SLC46A3: variants seen among roughly 807,000 people sequenced by gnomAD.
The protein encoded by SLC46A3 is solute carrier family 46 member 3.
A neutral mutation model predicts 38.5 loss-of-function variants in SLC46A3; 26 were observed. The ratio of observed to expected loss-of-function variants is 0.68; its 90% CI spans 0.49 to 0.94. SLC46A3 has a LOEUF of 0.94. Among genes scored for constraint, SLC46A3 ranks in the 40% least tolerant of loss-of-function variants. The probability of loss-of-function intolerance (pLI) is 0.00; values close to 1 mark genes in which losing one functional copy is unlikely to be tolerated. For synonymous variants in SLC46A3, 185 were observed against 192.5 expected, an observed-to-expected ratio of 0.96 and a Z score of 0.32; for missense variants, 510 against 544.3, an observed-to-expected ratio of 0.94 and a Z score of 0.63.
At chr13:28,708,318 T>G (rs966313878) in intron 4 of SLC46A3, among the ~76,000 whole-genome samples, 1 of 152,224 alleles carries the variant, frequency 6.6e-6, no homozygotes, top group Non-Finnish European at 1.5e-5. Context: ...CACATCCTCA[T>G]CAACACTTGC....
At chr13:28,708,158 C>T (rs1225052796) in intron 4 of SLC46A3, among the ~76,000 whole-genome samples, 1 of 152,172 alleles carries the variant, frequency 6.6e-6, no homozygotes, top group Admixed American at 6.5e-5. Flanking sequence ...TTTATGTGGA[C>T]ATATGCTTTC....
chr13:28,717,818 A>G lies in SLC46A3; in HGVS notation c.181T>C (p.Phe61Leu). 6.2e-7 allele frequency: 1 copy of G among 1,613,274 alleles called. No individual in the cohort carries two copies. Among genetic ancestry groups the G allele is most frequent in the South Asian group, 1.1e-5 (1 of 90,856 alleles). Residue 61 changes from phenylalanine (F) to leucine (L), a missense_variant, in exon 2 of 6, where the codon TTC (phenylalanine) becomes CTC (leucine). By Grantham distance (22) the Phe-to-Leu change is conservative. Coordinates refer to ENST00000266943, the MANE Select transcript of SLC46A3 (RefSeq NM_181785.4). Reference sequence around the variant, plus strand: ...ATATTGTAATTTCTTACCTCCTGGAATGCAAAAATTGGGCTGCTTTTGTTT... The same window carrying G: ...ATATTGTAATTTCTTACCTCCTGGAGTGCAAAAATTGGGCTGCTTTTGTTT... Reference protein sequence around the residue: ...EKNKSSPIFAFQEEVQKKVSR... With the variant: ...EKNKSSPIFALQEEVQKKVSR...
intron 4 of SLC46A3, among the ~76,000 whole-genome samples, chr13:28,708,012 C>T (rs1275250196): frequency 1.3e-5 from 2 of 152,098 alleles, no homozygotes; most frequent in Admixed American, 6.5e-5. Flanking sequence ...TGTAACAGAA[C>T]GATATTTCTT....
chr13:28,710,759 C>T lies in SLC46A3; in HGVS notation c.1144+1G>A. On this transcript the variant is annotated splice_donor_variant, in intron 4 of 5. Transcript: ENST00000266943. LOFTEE classifies it high-confidence loss of function. ...ATATTTCTTAAGCAAATTAAACTCACCTTGTTCAGTCGAACGAACCACTTT... is the reference window on the plus strand; with the variant it reads ...ATATTTCTTAAGCAAATTAAACTCATCTTGTTCAGTCGAACGAACCACTTT... 6.2e-7 allele frequency: 1 copy of T among 1,609,718 alleles called. No homozygotes were observed. Among genetic ancestry groups the T allele is most frequent in the Non-Finnish European group, 8.5e-7 (1 of 1,176,486 alleles).
chr13:28,711,850 G>A (rs1236593658), intron 3 of SLC46A3, among the ~76,000 whole-genome samples: 2 of 152,196 alleles, frequency 1.3e-5, no homozygotes, highest in African/African-American at 4.8e-5. Context: ...TGTGCCAAGC[G>A]AGTGCTTGAC....
In SLC46A3 at chr13:28,701,327, C is replaced by G; in HGVS notation, c.*170G>C. ...ACAAAGTGCTCAAAGTGCGTGGTAC[C>G]ACAAGAAGCTAAAGCCAGGAGCTGT... On this transcript the variant is annotated 3_prime_UTR_variant, in exon 6 of 6. Coordinates refer to ENST00000266943, the MANE Select transcript of SLC46A3 (RefSeq NM_181785.4). 1.4e-6 allele frequency: 2 copies of G among 1,427,360 alleles called. No individual in the cohort carries two copies. The highest frequency in any genetic ancestry group is 1.6e-5 in the South Asian group (1 of 61,336). 88.4% of individuals were successfully genotyped at this position (1,427,360 alleles called of 1,614,324 possible). A position where few individuals can be genotyped will look rare whatever the true frequency, so the allele number is the denominator to read the frequency against.
chr13:28,703,209 C>G (rs1471049289), intron 5 of SLC46A3, among the ~76,000 whole-genome samples: 1 of 152,030 alleles, frequency 6.6e-6, no homozygotes, highest in East Asian at 1.9e-4. Flanking sequence ...AACGTTTAAA[C>G]AAGTCATTAA....
chr13:28,702,603 G>A lies in SLC46A3; in HGVS notation c.1302-1022C>T, dbSNP rs185239568. On this transcript the variant is annotated intron_variant, in intron 5 of 5. Transcript: ENST00000266943. The stretch of plus-strand genomic sequence containing the variant: ...GTGCTTACCAGCACAGCATGTATTG[G>A]TAATTTTGTTAATTCGATAGGTGAA... Among the ~76,000 whole-genome samples, 15 of 152,226 alleles carry A rather than the reference G, an allele frequency of 9.9e-5. No homozygotes were observed. The East Asian group carries it at 2.7e-3, about 27-fold the overall frequency.
chr13:28,717,483 G>GA (rs1450454750), intron 2 of SLC46A3, among the ~76,000 whole-genome samples: 936 of 49,960 alleles, frequency 0.019, 116 homozygotes, highest in African/African-American at 0.036. Context: ...CCAATTTTCA[G>GA]ACTTTTTTTT....
chr13:28,704,026 A>C lies in SLC46A3; in HGVS notation c.1218T>G (p.Ile406Met). 6.2e-7 allele frequency: 1 copy of C among 1,613,874 alleles called. No individual in the cohort carries two copies. Among genetic ancestry groups the C allele is most frequent in the East Asian group, 2.2e-5 (1 of 44,882 alleles). The part of the protein sequence containing the change: ...GVTAVSTFNG[I>M]YSATVAWYPG... ...GGTACCAAGCAACAGTGGCTGAGTA[A>C]ATTCCATTAAAAGTAGAAACTGCAG... is the stretch of plus-strand genomic sequence containing the variant. Residue 406 changes from isoleucine (I) to methionine (M), a missense_variant, in exon 5 of 6, where the codon ATT (isoleucine) becomes ATG (methionine). Coordinates refer to ENST00000266943, the MANE Select transcript of SLC46A3 (RefSeq NM_181785.4).
chr13:28,709,354 A>G (rs2137830156), intron 4 of SLC46A3, among the ~76,000 whole-genome samples: 1 of 152,162 alleles, frequency 6.6e-6, no homozygotes, highest in Non-Finnish European at 1.5e-5. Context: ...AAGTAAAAGA[A>G]GAAATATATT....
rs80039171 is a variant in SLC46A3 at position 28,704,828 on chromosome 13, G to A, written c.1145-729C>T. On this transcript the variant is annotated intron_variant, in intron 4 of 5. Coordinates refer to ENST00000266943, the MANE Select transcript of SLC46A3 (RefSeq NM_181785.4). ...TTGCTTGCAACTGCCTCTGCCCTAA[G>A]GTGCCTTACAAGATGAAGAGTGGGG... is the stretch of plus-strand genomic sequence containing the variant. Among the ~76,000 whole-genome samples, 254 of 152,256 alleles carry A rather than the reference G, an allele frequency of 1.7e-3. 3 individuals carry two copies. Among genetic ancestry groups the A allele is most frequent in the African/African-American group, 5.7e-3 (236 of 41,542 alleles).
chr13:28,717,484 A>AATTTTTTTTTTTTTTTTTTT lies in SLC46A3; in HGVS notation c.189+325_189+326insAAAAAAAAAAAAAAAAAAAT, dbSNP rs1322198755. Among the ~76,000 whole-genome samples, 609 of 93,802 alleles carry AATTTTTTTTTTTTTTTTTTT rather than the reference A, an allele frequency of 6.5e-3. 118 individuals carry two copies. The highest frequency in any genetic ancestry group is 0.012 in the East Asian group (27 of 2,216). The allele number at this position is 93,802 out of a possible 152,430, so 61.5% of individuals were successfully genotyped here. ...CAGCCTGCCCTGCCCCAATTTTCAG[A>AATTTTTTTTTTTTTTTTTTT]CTTTTTTTTTTTTTTTTTTTTTTTT... On this transcript the variant is annotated intron_variant, in intron 2 of 5. Transcript: ENST00000266943.
chr13:28,705,306 T>C (rs1885143488), intron 4 of SLC46A3, among the ~76,000 whole-genome samples: 1 of 152,208 alleles, frequency 6.6e-6, no homozygotes, highest in African/African-American at 2.4e-5. Context: ...CTTGGACTGA[T>C]AGGAAGGAAA....
Position 28,712,954 on chromosome 13 carries a change from C to A in SLC46A3, c.786G>T (p.Leu262Phe), listed in dbSNP as rs776054005. The stretch of plus-strand genomic sequence containing the variant: ...AATAAGTGATTACTGTAAAAAGTAA[C>A]AAACAGAGCAAAAATCGTCTCTTAC... ...ASGKRRFLLC[L>F]LLFTVITYFF... The change falls in exon 3 of 6, where the codon TTG becomes TTT. Residue 262 changes from leucine to phenylalanine, a missense_variant. Coordinates refer to ENST00000266943, the MANE Select transcript of SLC46A3 (RefSeq NM_181785.4). 4 of 1,611,844 alleles carry A rather than the reference C, an allele frequency of 2.5e-6. No individual in the cohort carries two copies. In the East Asian group the frequency reaches 8.9e-5, roughly 36 times the overall value.
At chr13:28,712,631 T>C (rs780283569) in intron 3 of SLC46A3, 49 bp downstream of exon 3, 1 of 1,482,138 alleles carries the variant, frequency 6.7e-7, no homozygotes, top group Non-Finnish European at 8.9e-7. Context: ...ATTCATTTTA[T>C]ATGAATATCA....
intron 2 of SLC46A3, among the ~76,000 whole-genome samples, chr13:28,716,012 G>A (rs1351365151): frequency 1.3e-5 from 2 of 150,448 alleles, no homozygotes; most frequent in African/African-American, 4.9e-5. Flanking sequence ...AATTAGCTGA[G>A]TGTAGTGGCA....
chr13:28,713,673 G>C, intron 2 of SLC46A3, 123 bp from the exon 3 acceptor site: 6 of 838,364 alleles, frequency 7.2e-6, no homozygotes, highest in Non-Finnish European at 1.1e-5. Context: ...ATCTCTGGTG[G>C]ATGGGCGGGA....
At chr13:28,712,557 T>G in intron 3 of SLC46A3, 123 bp downstream of exon 3, 3 of 982,298 alleles carry the variant, frequency 3.1e-6, no homozygotes, top group Non-Finnish European at 4.1e-6. Flanking sequence ...TTATTACCCT[T>G]TAATTGAACT....
Sources: allele counts gnomAD v4.1 joint callset (sites outside exome capture counted in the v4.1 genomes callset), GRCh38; gene constraint gnomAD v4.1.1; transcripts MANE v1.5; gene names NCBI Gene and HGNC (gene_info 2026-07-23, HGNC 2026-07-21).